The following DCC variants were observed in gnomAD, a reference collection of about 807,000 sequenced individuals.
DCC encodes the protein DCC netrin 1 receptor, also known as netrin receptor DCC.
Under a neutral mutation model 172.5 loss-of-function variants are expected in DCC, and 58 were observed. The ratio of observed to expected loss-of-function variants is 0.34; its 90% CI spans 0.27 to 0.42. The LOEUF is 0.42. Among genes scored for constraint, DCC ranks in the 10% least tolerant of loss-of-function variants. The pLI, the probability that DCC is intolerant of heterozygous loss-of-function variation, is 1.00. For missense variants in DCC, 1,740 were observed against 1,791.0 expected (o/e 0.97, Z 0.51); for synonymous variants, 709 against 644.5 (o/e 1.10, Z -1.52).
Position 53,391,862 on chromosome 18 carries a change from G to C in DCC, c.2663G>C (p.Ser888Thr), listed in dbSNP as rs773134961. 10 of 1,608,580 alleles carry C rather than the reference G, an allele frequency of 6.2e-6. No individual in the cohort carries two copies. The highest frequency in any genetic ancestry group is 2.2e-5 in the South Asian group (2 of 90,988). The change falls in exon 17 of 29, where the codon AGC becomes ACC. Residue 888 changes from serine to threonine, a missense_variant. Ser to Thr is a moderately conservative substitution (Grantham distance 58). Coordinates refer to ENST00000442544, the MANE Select transcript of DCC (RefSeq NM_005215.4). Reference sequence around the variant, plus strand: ...CTTTACACCGTCCGGTGGAGAACCAGCTTTTCTGCAAGTGCAAAATACAAG... The same window carrying C: ...CTTTACACCGTCCGGTGGAGAACCACCTTTTCTGCAAGTGCAAAATACAAG... ...VRLYTVRWRT[S>T]FSASAKYKSE... is the part of the protein sequence containing the mutation.
chr18:52,930,022 G>A (rs1249949388), intron 5 of DCC, among the ~76,000 whole-genome samples: 2 of 151,980 alleles, frequency 1.3e-5, no homozygotes, highest in East Asian at 3.9e-4. Context: ...GTCTTGCTCT[G>A]TTGTGGCCTT....
chr18:53,337,255 C>T (rs1236436169), intron 14 of DCC, among the ~76,000 whole-genome samples: 1 of 152,180 alleles, frequency 6.6e-6, no homozygotes, highest in African/African-American at 2.4e-5. Context: ...ATTATGATTT[C>T]ATATTGCTTT....
chr18:52,699,166 A>T (rs962701089), intron 1 of DCC, among the ~76,000 whole-genome samples: 2 of 152,240 alleles, frequency 1.3e-5, no homozygotes, highest in African/African-American at 2.4e-5. Context: ...TAGGATCAGA[A>T]AGTAACAGTT....
intron 24 of DCC, among the ~76,000 whole-genome samples, chr18:53,467,166 TTATA>T (rs540752442): frequency 6.6e-6 from 1 of 150,690 alleles, no homozygotes; most frequent in Non-Finnish European, 1.5e-5. Context: ...AGGTGTGTAC[TTATA>T]TATATATATA....
At chr18:52,811,129 CAAAA>C (rs374967174) in intron 2 of DCC, among the ~76,000 whole-genome samples, 2 of 152,062 alleles carry the variant, frequency 1.3e-5, no homozygotes, top group African/African-American at 4.8e-5. Flanking sequence ...CTTAAAAAAA[CAAAA>C]AACAACAAAA....
intron 1 of DCC, among the ~76,000 whole-genome samples, chr18:52,382,477 C>T (rs890293897): frequency 2.0e-5 from 3 of 151,900 alleles, no homozygotes; most frequent in Non-Finnish European, 4.4e-5. Flanking sequence ...TTATAGAGAA[C>T]ATTTTGGTAA....
chr18:53,155,886 G>A (rs2054724637), intron 7 of DCC, among the ~76,000 whole-genome samples: 1 of 152,196 alleles, frequency 6.6e-6, no homozygotes, highest in Non-Finnish European at 1.5e-5. Context: ...AATTAGCCGG[G>A]TGTGGTGGTG....
intron 1 of DCC, among the ~76,000 whole-genome samples, chr18:52,659,280 A>G (rs2035313365): frequency 6.6e-6 from 1 of 152,160 alleles, no homozygotes; most frequent in Admixed American, 6.6e-5. Flanking sequence ...AGTAAATGAT[A>G]ATCCAAAATA....
rs538642672 is a variant in DCC, at chr18:52,593,289, A to G, written c.92-158765A>G. On this transcript the variant is annotated intron_variant, in intron 1 of 28. Transcript: ENST00000442544. ...AAAGGTCTAAGTCAGAACGTGGTAA[A>G]CTACACAAATTGATTATTCACGTGG... Among the ~76,000 whole-genome samples the G allele has an allele frequency of 3.3e-5, 5 of 152,276 alleles. No homozygotes were observed. The East Asian group carries it at 7.7e-4, about 24-fold the overall frequency.
chr18:53,011,748 A>AT (rs36027247), intron 5 of DCC, among the ~76,000 whole-genome samples: 11 of 150,680 alleles, frequency 7.3e-5, no homozygotes, highest in Non-Finnish European at 1.0e-4. Context: ...CCCTACCTCA[A>AT]TTTTTTTTTT....
chr18:52,889,270 T>C (rs1234930486), intron 2 of DCC, among the ~76,000 whole-genome samples: 2 of 152,054 alleles, frequency 1.3e-5, no homozygotes, highest in South Asian at 2.1e-4. Context: ...AAGTGATAAA[T>C]CTAAGATTTG....
At chr18:53,409,081 T>C (rs1331639631) in intron 19 of DCC, among the ~76,000 whole-genome samples, 1 of 152,178 alleles carries the variant, frequency 6.6e-6, no homozygotes, top group Non-Finnish European at 1.5e-5. Flanking sequence ...ATAGGCCAGA[T>C]ATACCTTAAA....
intron 7 of DCC, among the ~76,000 whole-genome samples, chr18:53,112,099 C>A (rs993542433): frequency 6.7e-6 from 1 of 149,482 alleles, no homozygotes; most frequent in African/African-American, 2.5e-5. Context: ...TAAAAAAAAA[C>A]AAATCAAAAC....
intron 9 of DCC, among the ~76,000 whole-genome samples, chr18:53,193,074 T>C (rs965155958): frequency 2.0e-5 from 3 of 152,192 alleles, no homozygotes; most frequent in Admixed American, 2.0e-4. Flanking sequence ...TTCCTCTCTC[T>C]TCTGGACTAT....
At chr18:52,573,438 A>G (rs1282661244) in intron 1 of DCC, among the ~76,000 whole-genome samples, 1 of 152,202 alleles carries the variant, frequency 6.6e-6, no homozygotes, top group Admixed American at 6.5e-5. Flanking sequence ...TTTAACAATA[A>G]GTAGCATTTA....
intron 12 of DCC, among the ~76,000 whole-genome samples, chr18:53,226,934 G>GTGTGTGTA: frequency 1.5e-5 from 1 of 68,156 alleles, no homozygotes; most frequent in Admixed American, 1.8e-4. Flanking sequence ...GTGTGTGTGT[G>GTGTGTGTA]TATATATATA....
chr18:52,638,784 A>T (rs1161847356), intron 1 of DCC, among the ~76,000 whole-genome samples: 1 of 152,204 alleles, frequency 6.6e-6, no homozygotes, highest in Non-Finnish European at 1.5e-5. Context: ...CACCAACTGC[A>T]CTAGACAGGT....
At chr18:52,786,819 G>T (rs890780844) in intron 2 of DCC, among the ~76,000 whole-genome samples, 2 of 151,990 alleles carry the variant, frequency 1.3e-5, no homozygotes, top group Admixed American at 1.3e-4. Context: ...CTTCCCCAAG[G>T]GGCTTTTATC....
Position 52,993,412 on chromosome 18 carries a change from A to G in DCC, c.985+68042A>G, listed in dbSNP as rs139647360. Among the ~76,000 whole-genome samples, 751 of 152,326 alleles carry G rather than the reference A, an allele frequency of 4.9e-3. 5 individuals are homozygous for G. Among genetic ancestry groups the G allele is most frequent in the African/African-American group, 0.017 (715 of 41,578 alleles). On this transcript the variant is annotated intron_variant, in intron 5 of 28. Transcript: ENST00000442544. ...AACTCTAGAATATTCTAACTCCTGT[A>G]TAAAACACAATGAAAATATTCCCTC...
Sources: allele counts gnomAD v4.1 joint callset (sites outside exome capture counted in the v4.1 genomes callset), GRCh38; gene constraint gnomAD v4.1.1; transcripts MANE v1.5; gene names NCBI Gene and HGNC (gene_info 2026-07-23, HGNC 2026-07-21).